Variants in PCDHA8 observed in about 807,000 individuals in gnomAD.
The protein encoded by PCDHA8 is protocadherin alpha 8.
In PCDHA8, 53 loss-of-function variants were observed where a neutral mutation model predicts 61.8. The ratio of observed to expected loss-of-function variants is 0.86; its 90% CI spans 0.69 to 1.08. The LOEUF is 1.08. PCDHA8 is among the 50% of genes least tolerant of loss of function. The pLI is 0.00. For missense variants in PCDHA8, 1,293 were observed against 1,245.0 expected (o/e 1.04, Z -0.58); for synonymous variants, 618 against 556.6 (o/e 1.11, Z -1.55).
chr5:140,870,933 G>T, intron 1 of PCDHA8: 1 of 1,613,802 alleles, frequency 6.2e-7, no homozygotes, highest in Non-Finnish European at 8.5e-7. Flanking sequence ...CATATGAATT[G>T]CAGCCGGCGG....
intron 1 of PCDHA8, chr5:140,877,741 A>C: frequency 6.2e-7 from 1 of 1,614,182 alleles, no homozygotes; most frequent in Non-Finnish European, 8.5e-7. Context: ...GAGGAGGCAG[A>C]GGGTGTGCTC....
chr5:140,891,755 G>C (rs1489884923), intron 1 of PCDHA8, among the ~76,000 whole-genome samples: 2 of 152,114 alleles, frequency 1.3e-5, no homozygotes, highest in Non-Finnish European at 2.9e-5. Flanking sequence ...CAACAGTGTT[G>C]GGAGGTGGGG....
Position 140,842,661 on chromosome 5 carries a change from A to G in PCDHA8, c.1340A>G (p.Asp447Gly). 6.3e-7 allele frequency: 1 copy of G among 1,595,428 alleles called. No homozygotes were observed. Among genetic ancestry groups the G allele is most frequent in the Non-Finnish European group, 8.6e-7 (1 of 1,165,506 alleles). Residue 447 changes from aspartate to glycine, a missense_variant, in exon 1 of 4, where the codon GAC (aspartate) becomes GGC (glycine). Transcript: ENST00000531613. ...GCCAGCTTGTCTGTGGAGGTGGCCGACGTGAACGACAATGCTCCGGCGTTC... is the reference window on the plus strand; with the variant it reads ...GCCAGCTTGTCTGTGGAGGTGGCCGGCGTGAACGACAATGCTCCGGCGTTC... ...ATASLSVEVA[D>G]VNDNAPAFAQ...
intron 1 of PCDHA8, chr5:140,869,367 T>G (rs2051076893): frequency 6.2e-7 from 1 of 1,614,002 alleles, no homozygotes; most frequent in South Asian, 1.1e-5. Context: ...TTGTGAATTC[T>G]CGGATCGACC....
At chr5:140,845,181 TA>T (rs1554140854) in intron 1 of PCDHA8, among the ~76,000 whole-genome samples, 1 of 149,328 alleles carries the variant, frequency 6.7e-6, no homozygotes, top group African/African-American at 2.5e-5. Context: ...TTTAGTCCTT[TA>T]AAAAATATGA....
At chr5:140,983,807 G>A (rs1158459034) in intron 3 of PCDHA8, among the ~76,000 whole-genome samples, 1 of 152,100 alleles carries the variant, frequency 6.6e-6, no homozygotes, top group African/African-American at 2.4e-5. Context: ...TGTGTAAAAG[G>A]TTTTTTCCCA....
At chr5:140,906,966 G>A (rs1401949243) in intron 1 of PCDHA8, among the ~76,000 whole-genome samples, 5 of 152,120 alleles carry the variant, frequency 3.3e-5, no homozygotes, top group African/African-American at 1.2e-4. Context: ...TGGAATCGTG[G>A]TTGTGTCTTC....
At chr5:141,004,857 A>C (rs987029522) in intron 3 of PCDHA8, among the ~76,000 whole-genome samples, 2 of 152,150 alleles carry the variant, frequency 1.3e-5, no homozygotes, top group African/African-American at 4.8e-5. Context: ...TCAGAGAAAA[A>C]ATTTGTTTCT....
intron 1 of PCDHA8, chr5:140,864,553 T>C (rs575186227): frequency 3.0e-4 from 45 of 152,314 alleles, no homozygotes; most frequent in African/African-American, 1.1e-3. Context: ...TTCTTATAAT[T>C]TCATTTTAGG....
chr5:140,849,138 A>G (rs2150253056), intron 1 of PCDHA8: 1 of 1,337,178 alleles, frequency 7.5e-7, no homozygotes, highest in South Asian at 1.3e-5. Flanking sequence ...GCTCACGGCC[A>G]CCGATGGAGG....
chr5:140,911,894 A>G (rs1352900427), intron 1 of PCDHA8, among the ~76,000 whole-genome samples: 2 of 152,184 alleles, frequency 1.3e-5, no homozygotes, highest in Non-Finnish European at 2.9e-5. Context: ...CAAAATCTGT[A>G]TTAGTCAGAG....
At chr5:140,871,103 C>A (rs202137231) in intron 1 of PCDHA8, 29 of 1,613,172 alleles carry the variant, frequency 1.8e-5, no homozygotes, top group South Asian at 1.2e-4. Context: ...GTGCTGGTGT[C>A]GTTGGTGGAG....
chr5:140,970,834 T>C lies in PCDHA8; in HGVS notation c.2395-8115T>C, dbSNP rs566411727. 8.6e-5 allele frequency among the ~76,000 whole-genome samples: 13 copies of C among 151,290 alleles called. No homozygotes were observed. The South Asian group carries it at 1.2e-3, about 14-fold the overall frequency. ...AAGTTCATGGTAATCTTGAGGAATG[T>C]AATGCACAGGCACAAAAGTTCCATT... On this transcript the variant is annotated intron_variant, in intron 1 of 3. Transcript: ENST00000531613.
chr5:140,965,259 A>G (rs1257686866), intron 1 of PCDHA8, among the ~76,000 whole-genome samples: 1 of 152,218 alleles, frequency 6.6e-6, no homozygotes, highest in African/African-American at 2.4e-5. Context: ...AGAACTGAGC[A>G]GCAGAGGCAA....
intron 1 of PCDHA8, among the ~76,000 whole-genome samples, chr5:140,847,026 G>T (rs1780819031): frequency 6.7e-6 from 1 of 149,736 alleles, no homozygotes; most frequent in Non-Finnish European, 1.5e-5. Flanking sequence ...TTCTTGGAAA[G>T]AGAAAACATA....
intron 1 of PCDHA8, chr5:140,967,505 G>C (rs782818141): frequency 2.4e-5 from 39 of 1,612,940 alleles, no homozygotes; most frequent in Non-Finnish European, 3.2e-5. Context: ...CTCTGTGCGT[G>C]TCCTGGACAC....
intron 1 of PCDHA8, chr5:140,882,431 G>A (rs374040153): frequency 1.2e-6 from 2 of 1,614,044 alleles, no homozygotes; most frequent in Non-Finnish European, 8.5e-7. Flanking sequence ...CCTGGGGCTG[G>A]AGCTGGCGGA....
intron 1 of PCDHA8, among the ~76,000 whole-genome samples, chr5:140,955,497 A>T (rs879951352): frequency 2.0e-5 from 3 of 152,100 alleles, no homozygotes; most frequent in Non-Finnish European, 4.4e-5. Flanking sequence ...CCACCATGTG[A>T]AGAAAGACGT....
intron 1 of PCDHA8, among the ~76,000 whole-genome samples, chr5:140,911,719 G>C (rs1184939092): frequency 6.6e-6 from 1 of 151,412 alleles, no homozygotes; most frequent in African/African-American, 2.5e-5. Context: ...GTGTAACTCT[G>C]TAAACAGTTC....
Sources: gnomAD v4.1 joint callset for allele counts (sites outside exome capture counted in the v4.1 genomes callset) on GRCh38, gnomAD v4.1.1 for gene constraint, MANE v1.5 for transcripts, NCBI Gene and HGNC (gene_info 2026-07-23, HGNC 2026-07-21) for gene names.